REDIC1: variants seen among roughly 807,000 people sequenced by gnomAD.
REDIC1 encodes regulator of DNA class I crossover intermediates 1, also known as HEI10 Interacting Protein 1.
At chr12:39,815,481 T>C in the REDIC1 span, among the ~76,000 whole-genome samples, 1 of 152,196 alleles carries the variant, frequency 6.6e-6, no homozygotes, top group African/African-American at 2.4e-5. Flanking sequence ...TTTCACCTAT[T>C]ACTATCCTTT....
chr12:39,666,714 T>C, the REDIC1 span, among the ~76,000 whole-genome samples: 1 of 152,164 alleles, frequency 6.6e-6, no homozygotes, highest in African/African-American at 2.4e-5. Context: ...TTTTGGTTGG[T>C]AAGCTATTAA....
At chr12:39,714,051 A>G in the REDIC1 span, among the ~76,000 whole-genome samples, 2 of 147,638 alleles carry the variant, frequency 1.4e-5, no homozygotes, top group Admixed American at 6.8e-5. Context: ...ATACACATGT[A>G]TATACACGTA....
At chr12:39,706,377 AT>A in the REDIC1 span, among the ~76,000 whole-genome samples, 1 of 152,002 alleles carries the variant, frequency 6.6e-6, no homozygotes, top group Non-Finnish European at 1.5e-5. Flanking sequence ...TAAAATGTCC[AT>A]ACTACCCTAA....
At chr12:39,670,262 C>T in the REDIC1 span, among the ~76,000 whole-genome samples, 1 of 152,188 alleles carries the variant, frequency 6.6e-6, no homozygotes, top group Non-Finnish European at 1.5e-5. Flanking sequence ...GGCATCTCAG[C>T]TCACTGCAAC....
the REDIC1 span, among the ~76,000 whole-genome samples, chr12:39,889,089 A>C: frequency 6.6e-6 from 1 of 152,156 alleles, no homozygotes; most frequent in South Asian, 2.1e-4. Flanking sequence ...TAAACTAGAT[A>C]AAAGAATTGC....
the REDIC1 span, among the ~76,000 whole-genome samples, chr12:39,732,245 C>T: frequency 6.6e-6 from 1 of 152,200 alleles, no homozygotes; most frequent in African/African-American, 2.4e-5. Context: ...TTCCATTTGA[C>T]ATATGGAGAT....
chr12:39,713,697 A>G, the REDIC1 span, among the ~76,000 whole-genome samples: 58 of 145,300 alleles, frequency 4.0e-4, no homozygotes, highest in African/African-American at 1.5e-3. Flanking sequence ...ATACATGCGT[A>G]TATACATATT....
the REDIC1 span, among the ~76,000 whole-genome samples, chr12:39,740,082 A>G: frequency 2.0e-5 from 3 of 152,250 alleles, no homozygotes; most frequent in Non-Finnish European, 2.9e-5. Flanking sequence ...GAGTTACGGC[A>G]AGAGCAACCA....
chr12:39,654,384 G>A, the REDIC1 span, among the ~76,000 whole-genome samples: 6 of 151,968 alleles, frequency 3.9e-5, no homozygotes, highest in South Asian at 2.1e-4. Context: ...TCAGGAGATC[G>A]AGATCATCCT....
At chr12:39,774,754 G>A in the REDIC1 span, among the ~76,000 whole-genome samples, 52 of 152,026 alleles carry the variant, frequency 3.4e-4, 1 homozygote, top group African/African-American at 1.2e-3. Flanking sequence ...GAAATTTGGA[G>A]CAAAAAGCCA....
the REDIC1 span, among the ~76,000 whole-genome samples, chr12:39,639,376 G>A: frequency 6.6e-6 from 1 of 151,968 alleles, no homozygotes; most frequent in Non-Finnish European, 1.5e-5. Flanking sequence ...ACTAAGTAGG[G>A]TTGAGCCTGG....
the REDIC1 span, among the ~76,000 whole-genome samples, chr12:39,730,159 T>C: frequency 9.2e-5 from 14 of 152,224 alleles, no homozygotes; most frequent in African/African-American, 3.4e-4. Context: ...CCCATTTACA[T>C]TTAAGGTTAA....
the REDIC1 span, among the ~76,000 whole-genome samples, chr12:39,747,056 A>G: frequency 6.6e-6 from 1 of 152,270 alleles, no homozygotes; most frequent in Non-Finnish European, 1.5e-5. Flanking sequence ...CTCACCAGCA[A>G]TGGAACAAAG....
At chr12:39,730,882 A>T in the REDIC1 span, among the ~76,000 whole-genome samples, 2 of 151,990 alleles carry the variant, frequency 1.3e-5, no homozygotes, top group Non-Finnish European at 2.9e-5. Flanking sequence ...TCTTGTCTTC[A>T]TGCTTTATTT....
At chr12:39,783,021 T>TC in the REDIC1 span, among the ~76,000 whole-genome samples, 1 of 151,872 alleles carries the variant, frequency 6.6e-6, no homozygotes, top group East Asian at 1.9e-4. Context: ...CCCTCCCCGC[T>TC]CCCCCCACCC....
At chr12:39,894,082 TTTTTGCAAACA>T in the REDIC1 span, among the ~76,000 whole-genome samples, 1 of 152,212 alleles carries the variant, frequency 6.6e-6, no homozygotes, top group Non-Finnish European at 1.5e-5. Context: ...TTAATAAATG[TTTTTGCAAACA>T]TTTAGTAAAC....
chr12:39,871,995 T>C, the REDIC1 span: 5 of 1,485,554 alleles, frequency 3.4e-6, no homozygotes, highest in Non-Finnish European at 4.5e-6. Flanking sequence ...TTGCTATTGA[T>C]AGTTACCCAA....
the REDIC1 span, among the ~76,000 whole-genome samples, chr12:39,796,694 A>G: frequency 6.6e-6 from 1 of 152,268 alleles, no homozygotes; most frequent in East Asian, 1.9e-4. Flanking sequence ...CTAGAATATA[A>G]TATGATTGAA....
the REDIC1 span, among the ~76,000 whole-genome samples, chr12:39,888,163 C>T: frequency 6.6e-6 from 1 of 152,186 alleles, no homozygotes; most frequent in Non-Finnish European, 1.5e-5. Context: ...CATTCTGCTG[C>T]CTGCCCAGTT....
Sources: gnomAD v4.1 joint callset for allele counts (sites outside exome capture counted in the v4.1 genomes callset) on GRCh38, gnomAD v4.1.1 for gene constraint, MANE v1.5 for transcripts, NCBI Gene and HGNC (gene_info 2026-07-23, HGNC 2026-07-21) for gene names.